Variants in TRIM50 observed in about 807,000 individuals in gnomAD.
The protein encoded by TRIM50 is tripartite motif containing 50, also known as E3 ubiquitin-protein ligase TRIM50.
TRIM50 carries 34 observed loss-of-function variants against 44.9 expected under a neutral mutation model. The ratio of observed to expected loss-of-function variants is 0.76; its 90% confidence interval spans 0.58 to 1.01. The LOEUF (loss-of-function observed/expected upper bound fraction) is 1.01, where lower values mean the gene tolerates loss of function less well. Ranked by LOEUF, TRIM50 falls within the 50% of genes least tolerant of loss-of-function variation. TRIM50 has a pLI of 0.00. For synonymous variants in TRIM50, 307 were observed against 291.1 expected, an observed-to-expected ratio of 1.05 and a Z score of -0.56; for missense variants, 633 against 663.7, an observed-to-expected ratio of 0.95 and a Z score of 0.51.
intron 1 of TRIM50, among the ~76,000 whole-genome samples, chr7:73,326,274 T>C (rs1252665685): frequency 3.3e-5 from 5 of 151,946 alleles, no homozygotes; most frequent in Admixed American, 3.3e-4. Flanking sequence ...TATTGTTTTA[T>C]TTATTTTAGT....
At position 73,324,626 on chromosome 7, in the gene TRIM50, G is replaced by A. The variant is rs782811270; in HGVS notation, c.162C>T (p.Pro54=). ...SCHLDAELRC[P]VCRQAVDGSS... is the part of the protein sequence containing the mutation. ...TGCCGTCCACCGCCTGCCGGCACAC[G>A]GGGCAGCGCAGCTCGGCATCCAGGT... Residue 54 remains proline (P), a synonymous_variant, in exon 2 of 7, where the codon CCC becomes CCT. Coordinates refer to ENST00000333149, the MANE Select transcript of TRIM50 (RefSeq NM_178125.3). 1.4e-5 allele frequency: 23 copies of A among 1,614,078 alleles called. No homozygotes were observed. The highest frequency in any genetic ancestry group is 1.3e-4 in the East Asian group (6 of 44,896).
Position 73,320,208 on chromosome 7 carries a change from T to C in TRIM50, c.434A>G (p.Gln145Arg), listed in dbSNP as rs1804463184. 6.2e-7 allele frequency: 1 copy of C among 1,614,026 alleles called. No homozygotes were observed. The highest frequency in any genetic ancestry group is 1.1e-5 in the South Asian group (1 of 91,076). The change falls in exon 3 of 7, where the codon CAG becomes CGG. Residue 145 changes from glutamine (Q) to arginine (R), a missense_variant. By Grantham distance (43) the Gln-to-Arg change is conservative. Coordinates refer to ENST00000333149, the MANE Select transcript of TRIM50 (RefSeq NM_178125.3). Reference protein sequence around the residue: ...ELAALISELKQEQKKVDELIA... With the variant: ...ELAALISELKREQKKVDELIA... ...GAGCTCATCCACCTTTTTCTGCTCC[T>C]GCTTCAGCTCAGAGATGAGGGCTGC...
chr7:73,317,096 C>T (rs1198294836), intron 5 of TRIM50, among the ~76,000 whole-genome samples: 1 of 152,098 alleles, frequency 6.6e-6, no homozygotes, highest in Admixed American at 6.6e-5. Context: ...CTCTGTCACC[C>T]AGGCTGGAGT....
chr7:73,317,595 G>T (rs187052980), intron 5 of TRIM50, among the ~76,000 whole-genome samples: 56 of 151,748 alleles, frequency 3.7e-4, no homozygotes, highest in African/African-American at 1.3e-3. Context: ...TGACCTGAAG[G>T]CATCCTTCTG....
chr7:73,317,790 T>C (rs1377582106), intron 5 of TRIM50, among the ~76,000 whole-genome samples: 1 of 152,060 alleles, frequency 6.6e-6, no homozygotes, highest in Non-Finnish European at 1.5e-5. Context: ...GTTTGTTGGG[T>C]CTAGAACATG....
At chr7:73,319,966 C>A (rs1390990993) in intron 3 of TRIM50, among the ~76,000 whole-genome samples, 181 bp downstream of exon 3, 2 of 152,336 alleles carry the variant, frequency 1.3e-5, no homozygotes, top group South Asian at 2.1e-4. Context: ...CCAGTCCTAA[C>A]GACAACTGGG....
Position 73,313,540 on chromosome 7 carries a change from G to A in TRIM50, c.875-30C>T, listed in dbSNP as rs1226803290. On this transcript the variant is annotated intron_variant, in intron 6 of 6. Coordinates refer to ENST00000333149, the MANE Select transcript of TRIM50 (RefSeq NM_178125.3). The surrounding 1 kb of genome is among the most constrained non-coding windows in gnomAD (Gnocchi z 4.9). Reference sequence around the variant, plus strand: ...GAGGGAGATCACAGAGGGTCTGTGAGGCCACGTGGAGGGCAGCAGACCCGG... The same window carrying A: ...GAGGGAGATCACAGAGGGTCTGTGAAGCCACGTGGAGGGCAGCAGACCCGG... 52 of 1,458,370 alleles carry A rather than the reference G, an allele frequency of 3.6e-5. No individual in the cohort carries two copies. The Admixed American group carries it at 1.1e-3, about 32-fold the overall frequency. The allele number at this position is 1,458,370 out of a possible 1,614,324, so 90.3% of individuals were successfully genotyped here.
At chr7:73,326,784 T>C (rs1804640897) in intron 1 of TRIM50, among the ~76,000 whole-genome samples, 1 of 152,160 alleles carries the variant, frequency 6.6e-6, no homozygotes, top group East Asian at 1.9e-4. Flanking sequence ...TGACACTCTG[T>C]TATACAGGTT....
At chr7:73,325,956 T>G (rs535720220) in intron 1 of TRIM50, among the ~76,000 whole-genome samples, 1 of 152,158 alleles carries the variant, frequency 6.6e-6, no homozygotes, top group Non-Finnish European at 1.5e-5. Flanking sequence ...GGCGTGGTCA[T>G]AGCTCACTGT....
At chr7:73,327,273 T>C (rs1371157049) in intron 1 of TRIM50, among the ~76,000 whole-genome samples, 1 of 149,266 alleles carries the variant, frequency 6.7e-6, no homozygotes, top group Non-Finnish European at 1.5e-5. Flanking sequence ...AGCCAGGAGT[T>C]CAAGACCAGC....
chr7:73,317,183 A>T (rs1804383585), intron 5 of TRIM50, among the ~76,000 whole-genome samples: 1 of 151,700 alleles, frequency 6.6e-6, no homozygotes, highest in South Asian at 2.1e-4. Flanking sequence ...CCTACCTAGC[A>T]GCTGGGACTA....
chr7:73,316,479 A>G, intron 6 of TRIM50, 86 bp downstream of exon 6: 2 of 1,551,228 alleles, frequency 1.3e-6, no homozygotes, highest in Non-Finnish European at 1.7e-6. Flanking sequence ...AGTTCTCTGT[A>G]GCTTATTATC....
intron 5 of TRIM50, among the ~76,000 whole-genome samples, chr7:73,317,101 T>C (rs1275275279): frequency 1.2e-4 from 18 of 152,076 alleles, no homozygotes; most frequent in Non-Finnish European, 2.2e-4. Flanking sequence ...TCACCCAGGC[T>C]GGAGTGCAGT....
Position 73,316,673 on chromosome 7 carries a change from C to T in TRIM50, c.766G>A (p.Ala256Thr), listed in dbSNP as rs1310221249. 15 of 1,614,064 alleles carry T rather than the reference C, an allele frequency of 9.3e-6. No individual in the cohort carries two copies. In the Middle Eastern group the frequency reaches 8.3e-4, roughly 89 times the overall value. ...SMASRAEMPQ[A>T]RPLEGAFSPI... Reference sequence around the variant, plus strand: ...CTGAATGCGCCTTCTAAGGGCCGGGCCTGCGGCATCTCTGCTCTGCAGGTG... The same window carrying T: ...CTGAATGCGCCTTCTAAGGGCCGGGTCTGCGGCATCTCTGCTCTGCAGGTG... The change falls in exon 6 of 7, where the codon GCC (alanine) becomes ACC (threonine). Residue 256 changes from alanine to threonine, a missense_variant. Ala to Thr is a moderately conservative substitution (Grantham distance 58, BLOSUM62 0). Coordinates refer to ENST00000333149, the MANE Select transcript of TRIM50 (RefSeq NM_178125.3).
Position 73,312,676 on chromosome 7 carries a change from A to C in TRIM50, c.*245T>G. The C allele has an allele frequency of 2.0e-6, 1 of 506,654 alleles. No homozygotes were observed. Among genetic ancestry groups the C allele is most frequent in the Non-Finnish European group, 3.5e-6 (1 of 288,202 alleles). 31.4% of individuals were successfully genotyped at this position (506,654 alleles called of 1,614,324 possible). ...ATAGCATGGTTAGCAAGTGGCAGGA[A>C]CCATGGGGATTTCAGTGTGTCCCTG... On this transcript the variant is annotated 3_prime_UTR_variant, in exon 7 of 7. Transcript: ENST00000333149.
chr7:73,319,036 A>T lies in TRIM50; in HGVS notation c.512T>A (p.Phe171Tyr). 1 of 1,613,942 alleles carries T rather than the reference A, an allele frequency of 6.2e-7. No homozygotes were observed. Among genetic ancestry groups the T allele is most frequent in the Non-Finnish European group, 8.5e-7 (1 of 1,179,842 alleles). Residue 171 changes from phenylalanine to tyrosine, a missense_variant, in exon 4 of 7, where the codon TTC (phenylalanine) becomes TAC (tyrosine). Physicochemically the swap from Phe to Tyr is conservative, Grantham distance 22. Coordinates refer to ENST00000333149, the MANE Select transcript of TRIM50 (RefSeq NM_178125.3). ...RTRIVNESDVFSWVIRREFQE... is the reference protein window; with the variant it reads ...RTRIVNESDVYSWVIRREFQE... ...GAACTCGCGGCGGATCACCCAGCTG[A>T]AGACATCCGACTCATTCTGGGACAG... is the stretch of plus-strand genomic sequence containing the variant.
chr7:73,323,085 C>T (rs1280982360), intron 2 of TRIM50, among the ~76,000 whole-genome samples: 4 of 152,184 alleles, frequency 2.6e-5, no homozygotes, highest in Non-Finnish European at 5.9e-5. Context: ...GGCCTTTGTC[C>T]CAGTTCCCAT....
At chr7:73,325,885 G>C (rs1468278987) in intron 1 of TRIM50, among the ~76,000 whole-genome samples, 1 of 147,732 alleles carries the variant, frequency 6.8e-6, no homozygotes, top group Non-Finnish European at 1.5e-5. Flanking sequence ...TTTTTTGGGC[G>C]GGGGGGCTGG....
intron 5 of TRIM50, among the ~76,000 whole-genome samples, chr7:73,318,423 T>C (rs1475144016): frequency 2.0e-5 from 3 of 152,174 alleles, no homozygotes; most frequent in Non-Finnish European, 4.4e-5. Flanking sequence ...AGGCATGAGC[T>C]ACCCTCCTCT....
Sources: allele counts gnomAD v4.1 joint callset (sites outside exome capture counted in the v4.1 genomes callset), GRCh38; gene constraint gnomAD v4.1.1; non-coding constraint Gnocchi (gnomAD v3.1); transcripts MANE v1.5; gene names NCBI Gene and HGNC (gene_info 2026-07-23, HGNC 2026-07-21).